Variants in SUGCT observed in about 807,000 individuals in gnomAD.
SUGCT encodes the protein succinyl-CoA:glutarate CoA-transferase.
SUGCT carries 41 observed loss-of-function variants against 55.0 expected under a neutral mutation model. That is an observed-to-expected ratio of 0.74 (90% CI 0.58 to 0.97). SUGCT has a LOEUF of 0.97. Among genes scored for constraint, SUGCT ranks in the 50% least tolerant of loss-of-function variants. The pLI, the probability that SUGCT is intolerant of heterozygous loss-of-function variation, is 0.00. For synonymous variants in SUGCT, 187 were observed against 200.4 expected (o/e 0.93, Z 0.56); for missense variants, 568 against 547.8 (o/e 1.04, Z -0.37).
In SUGCT at chr7:40,536,874, G is replaced by A. The variant is rs139414262; in HGVS notation, c.1089+40488G>A. Among the ~76,000 whole-genome samples the A allele has an allele frequency of 2.3e-3, 348 of 152,196 alleles. 1 individual carries two copies. Among genetic ancestry groups the A allele is most frequent in the African/African-American group, 8.1e-3 (336 of 41,518 alleles). On this transcript the variant is annotated intron_variant, in intron 12 of 13. Coordinates refer to ENST00000335693, the MANE Select transcript of SUGCT (RefSeq NM_001193313.2). ...TCTTGTTTTCAGGCAAGTTAACAGCGGAATATTCTTAAGGTCTAAGTTATG... is the reference window on the plus strand; with the variant it reads ...TCTTGTTTTCAGGCAAGTTAACAGCAGAATATTCTTAAGGTCTAAGTTATG...
the SUGCT span, among the ~76,000 whole-genome samples, chr7:40,949,648 G>C: frequency 6.6e-6 from 1 of 152,142 alleles, no homozygotes; most frequent in Non-Finnish European, 1.5e-5. Flanking sequence ...GTAAGGAAGG[G>C]ATCCAGTTTC....
chr7:41,014,987 G>C, the SUGCT span, among the ~76,000 whole-genome samples: 2 of 152,138 alleles, frequency 1.3e-5, no homozygotes, highest in African/African-American at 4.8e-5. Context: ...AATTACCTGA[G>C]AATTATGATC....
intron 12 of SUGCT, among the ~76,000 whole-genome samples, chr7:40,628,190 C>T (rs976911600): frequency 4.6e-5 from 7 of 152,146 alleles, no homozygotes; most frequent in Non-Finnish European, 8.8e-5. Flanking sequence ...TATAATTGTT[C>T]TATTTTAATA....
intron 9 of SUGCT, among the ~76,000 whole-genome samples, chr7:40,403,454 A>G (rs549416684): frequency 1.3e-5 from 2 of 152,302 alleles, no homozygotes; most frequent in Non-Finnish European, 2.9e-5. Flanking sequence ...TGAATTTGCT[A>G]GAGGGACTGT....
the SUGCT span, among the ~76,000 whole-genome samples, chr7:41,037,562 A>G: frequency 6.6e-6 from 1 of 151,896 alleles, no homozygotes; most frequent in East Asian, 1.9e-4. Flanking sequence ...CTGACAGAAC[A>G]GTGAAAATTT....
chr7:40,919,402 C>A, the SUGCT span, among the ~76,000 whole-genome samples: 2 of 152,348 alleles, frequency 1.3e-5, no homozygotes, highest in South Asian at 4.1e-4. Flanking sequence ...CAACCATCTT[C>A]ACCATTTTCT....
chr7:40,473,895 A>T (rs1318029492), intron 11 of SUGCT, among the ~76,000 whole-genome samples: 1 of 152,058 alleles, frequency 6.6e-6, no homozygotes, highest in Non-Finnish European at 1.5e-5. Flanking sequence ...CCTAACTTTT[A>T]CTTGAGTTAT....
At position 40,449,378 on chromosome 7, in the gene SUGCT, A is replaced by G. The variant is rs764092731; in HGVS notation, c.888+20A>G. The G allele has an allele frequency of 3.8e-6, 6 of 1,583,654 alleles. No individual in the cohort carries two copies. The African/African-American group carries it at 8.1e-5, about 21-fold the overall frequency. On this transcript the variant is annotated intron_variant, in intron 10 of 13. Transcript: ENST00000335693. The stretch of plus-strand genomic sequence containing the variant: ...TGCAAGGTAATCTATAATTATTGGG[A>G]TTGGTCGATGATTTTGTACAAAGCC...
chr7:40,761,635 CGAA>C (rs1788537946), intron 13 of SUGCT, among the ~76,000 whole-genome samples: 1 of 152,160 alleles, frequency 6.6e-6, no homozygotes, highest in Admixed American at 6.5e-5. Flanking sequence ...AGGGAGATAT[CGAA>C]GACCATCTTT....
chr7:40,405,112 A>T (rs1299228670), intron 9 of SUGCT, among the ~76,000 whole-genome samples: 6 of 152,202 alleles, frequency 3.9e-5, no homozygotes, highest in Non-Finnish European at 5.9e-5. Flanking sequence ...TGAGAGCCTC[A>T]CCTGGCAGAT....
chr7:40,698,814 C>T (rs994912851), intron 12 of SUGCT, among the ~76,000 whole-genome samples: 10 of 152,062 alleles, frequency 6.6e-5, no homozygotes, highest in African/African-American at 2.4e-4. Flanking sequence ...TGGATGCCTG[C>T]GATTTTGGTA....
intron 13 of SUGCT, among the ~76,000 whole-genome samples, chr7:40,753,990 A>G (rs199623927): frequency 6.6e-5 from 10 of 152,290 alleles, no homozygotes; most frequent in African/African-American, 2.4e-5. Context: ...ATGAGTCTCT[A>G]TCATCTTCAA....
At chr7:40,493,869 A>G (rs1010175008) in intron 11 of SUGCT, among the ~76,000 whole-genome samples, 7 of 152,186 alleles carry the variant, frequency 4.6e-5, no homozygotes, top group Admixed American at 4.6e-4. Flanking sequence ...TTTAGAAAAA[A>G]AATGATGGAT....
At chr7:40,563,617 G>A (rs919406464) in intron 12 of SUGCT, among the ~76,000 whole-genome samples, 3 of 151,896 alleles carry the variant, frequency 2.0e-5, no homozygotes, top group African/African-American at 7.3e-5. Flanking sequence ...GGAAGGCCGA[G>A]GTGGGAGGAT....
At chr7:40,326,251 G>A (rs1796023732) in intron 9 of SUGCT, among the ~76,000 whole-genome samples, 1 of 152,158 alleles carries the variant, frequency 6.6e-6, no homozygotes, top group East Asian at 1.9e-4. Flanking sequence ...GGGAGAACTT[G>A]AGCTTTGGGG....
chr7:40,752,651 C>T lies in SUGCT; in HGVS notation c.1153+3154C>T, dbSNP rs544717519. 2.2e-4 allele frequency among the ~76,000 whole-genome samples: 33 copies of T among 152,168 alleles called. No homozygotes were observed. The East Asian group carries it at 3.7e-3, about 17-fold the overall frequency. On this transcript the variant is annotated intron_variant, in intron 13 of 13. Transcript: ENST00000335693. ...GATTACAGATGTCAGCCACTGTGCCCGGGCAAAAGCAAGTTTTAGGCTGTA... is the reference window on the plus strand; with the variant it reads ...GATTACAGATGTCAGCCACTGTGCCTGGGCAAAAGCAAGTTTTAGGCTGTA...
chr7:40,842,391 C>G (rs1793322198), intron 13 of SUGCT, among the ~76,000 whole-genome samples: 1 of 152,020 alleles, frequency 6.6e-6, no homozygotes, highest in African/African-American at 2.4e-5. Context: ...CAGTGTTTTC[C>G]TGACTCATTT....
intron 12 of SUGCT, among the ~76,000 whole-genome samples, chr7:40,522,384 T>G (rs1220666209): frequency 2.6e-5 from 4 of 152,168 alleles, no homozygotes; most frequent in Non-Finnish European, 4.4e-5. Flanking sequence ...TGTTTTCCAT[T>G]GTTTATCCCC....
At chr7:40,791,237 G>A (rs573072189) in intron 13 of SUGCT, among the ~76,000 whole-genome samples, 1 of 152,226 alleles carries the variant, frequency 6.6e-6, no homozygotes, top group South Asian at 2.1e-4. Flanking sequence ...ATTAAAATTA[G>A]TGTAACACAA....
Sources: gnomAD v4.1 joint callset for allele counts (sites outside exome capture counted in the v4.1 genomes callset) on GRCh38, gnomAD v4.1.1 for gene constraint, MANE v1.5 for transcripts, NCBI Gene and HGNC (gene_info 2026-07-23, HGNC 2026-07-21) for gene names.